SLC26A9: variants seen among roughly 807,000 people sequenced by gnomAD.
The protein encoded by SLC26A9 is solute carrier family 26 member 9.
SLC26A9 carries 46 observed loss-of-function variants against 87.1 expected under a neutral mutation model. The observed-to-expected ratio is 0.53, with a 90% CI of 0.42 to 0.67. The LOEUF (loss-of-function observed/expected upper bound fraction) is 0.67. Ranked by LOEUF, SLC26A9 falls within the 30% of genes least tolerant of loss-of-function variation. The probability of loss-of-function intolerance (pLI) is 0.00; values close to 1 mark genes in which losing one functional copy is unlikely to be tolerated. For synonymous variants in SLC26A9, 437 were observed against 409.1 expected, an observed-to-expected ratio of 1.07 and a Z score of -0.82; for missense variants, 927 against 1,018.3, an observed-to-expected ratio of 0.91 and a Z score of 1.22.
At chr1:205,926,201 C>T (rs966613817) in intron 12 of SLC26A9, among the ~76,000 whole-genome samples, 3 of 151,948 alleles carry the variant, frequency 2.0e-5, no homozygotes, top group South Asian at 2.1e-4. Context: ...GTATAAAATA[C>T]GATGTAGACA....
intron 13 of SLC26A9, among the ~76,000 whole-genome samples, 185 bp from the exon 14 acceptor site, chr1:205,923,798 A>G (rs1405860159): frequency 6.6e-6 from 1 of 152,092 alleles, no homozygotes; most frequent in African/African-American, 2.4e-5. Flanking sequence ...TCCTATAACT[A>G]TGAGGATGAC....
At chr1:205,939,097 G>C (rs1223580329) in intron 1 of SLC26A9, among the ~76,000 whole-genome samples, 1 of 152,236 alleles carries the variant, frequency 6.6e-6, no homozygotes, top group Non-Finnish European at 1.5e-5. Context: ...AGGGGAGAAG[G>C]CTCTGGGAGC....
At chr1:205,917,124 A>G (rs865824867) in intron 20 of SLC26A9, among the ~76,000 whole-genome samples, 159 bp downstream of exon 20, 6 of 148,228 alleles carry the variant, frequency 4.0e-5, no homozygotes, top group South Asian at 2.1e-4. Flanking sequence ...GAAAAGGAAA[A>G]GAAAAAAAAC....
chr1:205,915,554 G>A (rs984110781), intron 20 of SLC26A9, 150 bp from the exon 21 acceptor site: 56 of 1,114,534 alleles, frequency 5.0e-5, no homozygotes, highest in South Asian at 1.6e-4. Context: ...GTGTGCGAGA[G>A]TGTGTGTGAA....
At chr1:205,928,308 T>A in intron 8 of SLC26A9, 1 of 516,186 alleles carries the variant, frequency 1.9e-6, no homozygotes, top group Non-Finnish European at 3.5e-6. Context: ...GGGCCTCGTT[T>A]GTTAACTCCC....
At chr1:205,934,646 G>A (rs1475902921) in intron 2 of SLC26A9, among the ~76,000 whole-genome samples, 1 of 152,240 alleles carries the variant, frequency 6.6e-6, no homozygotes. Flanking sequence ...TCTCATGCCA[G>A]TATCATAGGA....
chr1:205,930,017 A>G lies in SLC26A9; in HGVS notation c.592T>C (p.Tyr198His), dbSNP rs1370334431. The G allele has an allele frequency of 1.9e-6, 3 of 1,613,444 alleles. No homozygotes were observed. The highest frequency in any genetic ancestry group is 1.1e-5 in the South Asian group (1 of 91,056). ...CCCCGGATGAAGGACTCGGAGAGGT[A>G]GATGGCCACAAAGCCAAACTGCATG... ...GFMQFGFVAI[Y>H]LSESFIRGFM... The change falls in exon 6 of 21, where the codon TAC (tyrosine) becomes CAC (histidine). Residue 198 changes from tyrosine (Y) to histidine (H), a missense_variant. By Grantham distance (83) the Tyr-to-His change is moderately conservative. Transcript: ENST00000367135.
rs1658768245 is a variant in SLC26A9, at chr1:205,920,191, A to C, written c.2095T>G (p.Leu699Val). ...TTTCTCTTACCATGGATGTTCACCAAGAAGACCTTCACGCCGATCTTCCCA... is the reference window on the plus strand; with the variant it reads ...TTTCTCTTACCATGGATGTTCACCACGAAGACCTTCACGCCGATCTTCCCA... The part of the protein sequence containing the change: ...TYGKIGVKVF[L>V]VNIHAQVYND... Residue 699 changes from leucine (L) to valine (V), a missense_variant, in exon 18 of 21, where the codon TTG (leucine) becomes GTG (valine). Leu to Val is a conservative substitution (Grantham distance 32). Transcript: ENST00000367135. The C allele has an allele frequency of 6.2e-7, 1 of 1,613,946 alleles. No individual in the cohort carries two copies. Among genetic ancestry groups the C allele is most frequent in the African/African-American group, 1.3e-5 (1 of 74,924 alleles).
At chr1:205,941,960 T>C (rs1211299276) in intron 1 of SLC26A9, among the ~76,000 whole-genome samples, 1 of 152,160 alleles carries the variant, frequency 6.6e-6, no homozygotes, top group Non-Finnish European at 1.5e-5. Flanking sequence ...AGGCATCCAG[T>C]GAAGATCAAC....
At chr1:205,919,785 T>G (rs1280405021) in intron 18 of SLC26A9, among the ~76,000 whole-genome samples, 2 of 152,218 alleles carry the variant, frequency 1.3e-5, no homozygotes, top group African/African-American at 4.8e-5. Flanking sequence ...CCTATATCGA[T>G]TCACAGAGTT....
At chr1:205,934,736 CT>C (rs1659440516) in intron 2 of SLC26A9, among the ~76,000 whole-genome samples, 1 of 152,226 alleles carries the variant, frequency 6.6e-6, no homozygotes, top group Admixed American at 6.5e-5. Flanking sequence ...CATCCTCAGA[CT>C]TTGTGCCCTA....
chr1:205,927,538 G>T lies in SLC26A9; in HGVS notation c.1169C>A (p.Ala390Glu). 6.2e-7 allele frequency: 1 copy of T among 1,614,058 alleles called. No individual in the cohort carries two copies. Among genetic ancestry groups the T allele is most frequent in the East Asian group, 2.2e-5 (1 of 44,880 alleles). ...SFFKIHVICC[A>E]LSVTLAVDGA... Reference sequence around the variant, plus strand: ...ATCCACAGCCAGAGTGACAGAAAGCGCACAGCAAATGACATGAATTTTAAA... The same window carrying T: ...ATCCACAGCCAGAGTGACAGAAAGCTCACAGCAAATGACATGAATTTTAAA... The change falls in exon 10 of 21, where the codon GCG becomes GAG. Residue 390 changes from alanine (A) to glutamate (E), a missense_variant. Ala to Glu is a moderately radical substitution (Grantham distance 107). Transcript: ENST00000367135.
intron 12 of SLC26A9, among the ~76,000 whole-genome samples, chr1:205,925,567 T>C (rs1558123083): frequency 6.6e-6 from 1 of 152,190 alleles, no homozygotes; most frequent in African/African-American, 2.4e-5. Flanking sequence ...TCCTCATCAC[T>C]GTCTCTCTGG....
At chr1:205,930,079 T>C in intron 5 of SLC26A9, 23 bp from the exon 6 acceptor site, 3 of 1,578,924 alleles carry the variant, frequency 1.9e-6, no homozygotes, top group Non-Finnish European at 2.6e-6. Flanking sequence ...AAAGGGTGGT[T>C]GGTGGCGGAA....
At chr1:205,926,399 C>T (rs1010975558) in intron 12 of SLC26A9, 136 bp downstream of exon 12, 3 of 741,866 alleles carry the variant, frequency 4.0e-6, no homozygotes, top group African/African-American at 1.7e-5. Flanking sequence ...GAAACTCGGA[C>T]TTTTAACCAC....
chr1:205,935,638 C>T (rs1659478929), intron 2 of SLC26A9, 58 bp downstream of exon 2: 4 of 1,607,226 alleles, frequency 2.5e-6, no homozygotes, highest in Admixed American at 1.7e-5. Context: ...TGTCCTGGTG[C>T]AGAAAGGATT....
At position 205,929,898 on chromosome 1, in the gene SLC26A9, G is replaced by A. The variant is rs749587469; in HGVS notation, c.711C>T (p.Ile237=). The change falls in exon 6 of 21, where the codon ATC becomes ATT. Residue 237 remains isoleucine (I), a synonymous_variant. Coordinates refer to ENST00000367135, the MANE Select transcript of SLC26A9 (RefSeq NM_052934.4). ...GGTGCATCCCCAGACTCACAAAGAC[G>A]ATGGACCCTGGGCCTGTGTAGGAGG... ...TIPSYTGPGS[I]VFTFIDICKN... 4 of 1,592,098 alleles carry A rather than the reference G, an allele frequency of 2.5e-6. No individual in the cohort carries two copies. The highest frequency in any genetic ancestry group is 4.5e-5 in the East Asian group (2 of 44,266).
At chr1:205,936,152 G>A (rs1659501581) in intron 1 of SLC26A9, among the ~76,000 whole-genome samples, 1 of 152,120 alleles carries the variant, frequency 6.6e-6, no homozygotes, top group Non-Finnish European at 1.5e-5. Flanking sequence ...GAATCACGAG[G>A]GCAGGAGGCC....
intron 1 of SLC26A9, among the ~76,000 whole-genome samples, chr1:205,940,877 C>T (rs1265316829): frequency 6.6e-6 from 1 of 152,198 alleles, no homozygotes; most frequent in African/African-American, 2.4e-5. Context: ...CCCGGCTGGG[C>T]CAACCCACCC....
Sources: allele counts gnomAD v4.1 joint callset (sites outside exome capture counted in the v4.1 genomes callset), GRCh38; gene constraint gnomAD v4.1.1; transcripts MANE v1.5; gene names NCBI Gene and HGNC (gene_info 2026-07-23, HGNC 2026-07-21).